Variants in MAGI2 observed in about 807,000 individuals in gnomAD.
The protein encoded by MAGI2 is membrane associated guanylate kinase, WW and PDZ domain containing 2.
In MAGI2, 35 loss-of-function variants were observed where a neutral mutation model predicts 133.3. The ratio of observed to expected loss-of-function variants is 0.26; its 90% CI spans 0.20 to 0.35. The LOEUF (loss-of-function observed/expected upper bound fraction) is 0.35, where lower values mean the gene tolerates loss of function less well. MAGI2 is among the 10% of genes least tolerant of loss of function. The probability of loss-of-function intolerance (pLI) is 1.00; values close to 1 mark genes in which losing one functional copy is unlikely to be tolerated. For missense variants in MAGI2, 1,636 were observed against 1,863.4 expected (o/e 0.88, Z 2.25); for synonymous variants, 729 against 710.6 (o/e 1.03, Z -0.41).
chr7:78,633,130 C>G (rs1335926280), intron 2 of MAGI2, among the ~76,000 whole-genome samples: 1 of 152,158 alleles, frequency 6.6e-6, no homozygotes, highest in Non-Finnish European at 1.5e-5. Context: ...CCTTAGCAAA[C>G]TAATGGACGA....
At chr7:79,175,164 A>G (rs939227788) in intron 1 of MAGI2, among the ~76,000 whole-genome samples, 1 of 151,980 alleles carries the variant, frequency 6.6e-6, no homozygotes, top group Non-Finnish European at 1.5e-5. Context: ...AAAACAATCT[A>G]TAAATGAGAA....
At chr7:78,568,594 C>T (rs1292770743) in intron 3 of MAGI2, among the ~76,000 whole-genome samples, 2 of 152,126 alleles carry the variant, frequency 1.3e-5, no homozygotes, top group Non-Finnish European at 2.9e-5. Context: ...AAAACATAAC[C>T]TATGACCACT....
intron 20 of MAGI2, among the ~76,000 whole-genome samples, chr7:78,115,158 C>T (rs1819735068): frequency 6.6e-6 from 1 of 152,258 alleles, no homozygotes; most frequent in East Asian, 1.9e-4. Context: ...AAAATAACTG[C>T]TGATTCCTGG....
intron 1 of MAGI2, among the ~76,000 whole-genome samples, chr7:79,119,206 T>G (rs1819667573): frequency 6.6e-6 from 1 of 152,206 alleles, no homozygotes; most frequent in Non-Finnish European, 1.5e-5. Context: ...AGTAGTGACC[T>G]CTTCCTTTTA....
At chr7:78,372,767 G>A (rs1007441964) in intron 6 of MAGI2, among the ~76,000 whole-genome samples, 3 of 152,216 alleles carry the variant, frequency 2.0e-5, no homozygotes, top group African/African-American at 4.8e-5. Context: ...AGCTTTGCCT[G>A]GATTCTGGCA....
chr7:78,434,266 G>A (rs1032976291), intron 6 of MAGI2, among the ~76,000 whole-genome samples: 54 of 152,250 alleles, frequency 3.5e-4, no homozygotes, highest in African/African-American at 1.2e-3. Flanking sequence ...TGTATAGAGA[G>A]GAGAACCTGG....
At chr7:78,472,871 G>A (rs1791364078) in intron 6 of MAGI2, among the ~76,000 whole-genome samples, 1 of 152,036 alleles carries the variant, frequency 6.6e-6, no homozygotes, top group African/African-American at 2.4e-5. Context: ...TAAATTCTAG[G>A]GACTCCTGAT....
chr7:79,184,570 A>T (rs1428355092), intron 1 of MAGI2, among the ~76,000 whole-genome samples: 2 of 151,758 alleles, frequency 1.3e-5, no homozygotes, highest in Non-Finnish European at 1.5e-5. Context: ...GAGTAATAGG[A>T]GAAAAAAAGG....
chr7:78,357,659 C>T (rs1792228397), intron 7 of MAGI2, among the ~76,000 whole-genome samples: 1 of 152,092 alleles, frequency 6.6e-6, no homozygotes, highest in Non-Finnish European at 1.5e-5. Flanking sequence ...ACAAGTAGTG[C>T]TTAATAAGCT....
rs547586605 is a variant in MAGI2 at position 78,800,065 on chromosome 7, C to T, written c.419-172826G>A. On this transcript the variant is annotated intron_variant, in intron 2 of 21. Coordinates refer to ENST00000354212, the MANE Select transcript of MAGI2 (RefSeq NM_012301.4). ...CCCCTAGCAGCTCTGTGGTATGATT[C>T]ATCTTTCTATAGTAAATAATTTGGA... Among the ~76,000 whole-genome samples, 329 of 152,220 alleles carry T rather than the reference C, an allele frequency of 2.2e-3. 1 individual carries two copies. The highest frequency in any genetic ancestry group is 0.018 in the South Asian group (85 of 4,826).
At chr7:78,524,489 T>C (rs1201009801) in intron 3 of MAGI2, among the ~76,000 whole-genome samples, 4 of 152,164 alleles carry the variant, frequency 2.6e-5, no homozygotes, top group East Asian at 1.9e-4. Context: ...CTCATCACTA[T>C]AGATATTCAC....
At chr7:78,109,764 T>C (rs1224381603) in intron 20 of MAGI2, among the ~76,000 whole-genome samples, 2 of 152,162 alleles carry the variant, frequency 1.3e-5, no homozygotes, top group African/African-American at 4.8e-5. Flanking sequence ...ATTTTGGTAG[T>C]TGTAGGAAGC....
chr7:78,277,101 T>A (rs976383772), intron 9 of MAGI2, among the ~76,000 whole-genome samples: 5 of 152,176 alleles, frequency 3.3e-5, no homozygotes, highest in Non-Finnish European at 7.4e-5. Context: ...TAACTTACAT[T>A]AGTTTGATGT....
intron 1 of MAGI2, chr7:79,415,102 G>C (rs969373142): frequency 4.6e-5 from 7 of 152,124 alleles, no homozygotes; most frequent in African/African-American, 1.7e-4. Context: ...CATCTGCTAA[G>C]AATAGGATCA....
At chr7:79,058,015 C>G (rs1813318753) in intron 1 of MAGI2, among the ~76,000 whole-genome samples, 1 of 149,804 alleles carries the variant, frequency 6.7e-6, no homozygotes, top group East Asian at 1.9e-4. Flanking sequence ...GAGGGAAAAG[C>G]TGGTTTTTGA....
intron 1 of MAGI2, among the ~76,000 whole-genome samples, chr7:79,350,710 A>G (rs7778707): frequency 0.15 from 22,782 of 152,118 alleles, 1,816 homozygotes; most frequent in South Asian, 0.26. Context: ...AGGAAGATTC[A>G]AGGATATGGA....
At chr7:78,044,911 G>A (rs1185372361) in intron 21 of MAGI2, among the ~76,000 whole-genome samples, 1 of 152,246 alleles carries the variant, frequency 6.6e-6, no homozygotes, top group Non-Finnish European at 1.5e-5. Flanking sequence ...GCTCACACCT[G>A]TAATCCCAGC....
intron 2 of MAGI2, among the ~76,000 whole-genome samples, chr7:78,745,272 G>A (rs1317259425): frequency 1.3e-5 from 2 of 152,132 alleles, no homozygotes; most frequent in African/African-American, 2.4e-5. Context: ...GCTGCTAAGC[G>A]GTAGAGCTCA....
At position 79,173,034 on chromosome 7, in the gene MAGI2, T is replaced by A. The variant is rs527789353; in HGVS notation, c.302-165828A>T. The stretch of plus-strand genomic sequence containing the variant: ...TATTATGATTACTATTATTTGTAGA[T>A]ATAATTCTATAACTTTAAAATAAAG... On this transcript the variant is annotated intron_variant, in intron 1 of 21. Coordinates refer to ENST00000354212, the MANE Select transcript of MAGI2 (RefSeq NM_012301.4). 3.9e-5 allele frequency: 6 copies of A among 152,164 alleles called. No individual in the cohort carries two copies. In the South Asian group the frequency reaches 1.0e-3, roughly 26 times the overall value. 9.4% of individuals were successfully genotyped at this position (152,164 alleles called of 1,614,324 possible).
Sources: gnomAD v4.1 joint callset for allele counts (sites outside exome capture counted in the v4.1 genomes callset) on GRCh38, gnomAD v4.1.1 for gene constraint, MANE v1.5 for transcripts, NCBI Gene and HGNC (gene_info 2026-07-23, HGNC 2026-07-21) for gene names.